TRPC7: variants seen among roughly 807,000 people sequenced by gnomAD.
The protein encoded by TRPC7 is transient receptor potential cation channel subfamily C member 7.
TRPC7 carries 42 observed loss-of-function variants against 90.1 expected under a neutral mutation model. That is an observed-to-expected ratio of 0.47 (90% CI 0.36 to 0.60). TRPC7 has a LOEUF of 0.60. TRPC7 is among the 20% of genes least tolerant of loss of function. The probability of loss-of-function intolerance (pLI) is 0.00; values close to 1 mark genes in which losing one functional copy is unlikely to be tolerated. For missense variants in TRPC7, 955 were observed against 1,112.3 expected (o/e 0.86, Z 2.01); for synonymous variants, 451 against 436.3 (o/e 1.03, Z -0.42).
intron 7 of TRPC7, among the ~76,000 whole-genome samples, chr5:136,241,164 G>A (rs1215154246): frequency 6.6e-6 from 1 of 152,116 alleles, no homozygotes; most frequent in African/African-American, 2.4e-5. Context: ...TAAGTGTCAC[G>A]GAAAATACAA....
At chr5:136,362,130 T>A (rs1033287899) in intron 1 of TRPC7, among the ~76,000 whole-genome samples, 1 of 152,196 alleles carries the variant, frequency 6.6e-6, no homozygotes, top group Non-Finnish European at 1.5e-5. Context: ...ATATTTAACA[T>A]ATATTACACA....
At chr5:136,244,418 G>C (rs929122275) in intron 7 of TRPC7, among the ~76,000 whole-genome samples, 1 of 152,224 alleles carries the variant, frequency 6.6e-6, no homozygotes, top group Non-Finnish European at 1.5e-5. Context: ...GTAGAGGAGG[G>C]AAGAGAGGGA....
At chr5:136,226,541 A>G in intron 8 of TRPC7, 1 of 410,152 alleles carries the variant, frequency 2.4e-6, no homozygotes, top group Non-Finnish European at 4.3e-6. Context: ...AACATTCTCC[A>G]TTTGCAGCTA....
intron 10 of TRPC7, among the ~76,000 whole-genome samples, chr5:136,216,483 C>A (rs79737210): frequency 6.6e-5 from 10 of 152,316 alleles, no homozygotes; most frequent in African/African-American, 2.4e-4. Flanking sequence ...ATGCAATGTG[C>A]AACTGAACCT....
intron 7 of TRPC7, among the ~76,000 whole-genome samples, chr5:136,239,235 C>T (rs1756082205): frequency 3.9e-5 from 6 of 152,240 alleles, no homozygotes. Flanking sequence ...AATCCACCCA[C>T]CTTGGCCTCC....
At chr5:136,302,186 G>A (rs1329168205) in intron 3 of TRPC7, among the ~76,000 whole-genome samples, 1 of 152,158 alleles carries the variant, frequency 6.6e-6, no homozygotes, top group Admixed American at 6.5e-5. Flanking sequence ...GCCTTCCCTT[G>A]GTGTTTAATC....
chr5:136,306,803 C>A (rs1758647978), intron 3 of TRPC7, among the ~76,000 whole-genome samples: 1 of 152,108 alleles, frequency 6.6e-6, no homozygotes, highest in African/African-American at 2.4e-5. Context: ...CTTTGTAATT[C>A]TCCCCACCCT....
intron 2 of TRPC7, among the ~76,000 whole-genome samples, chr5:136,339,045 T>C (rs1401577892): frequency 6.6e-6 from 1 of 152,238 alleles, no homozygotes. Flanking sequence ...TTCTGCTTAA[T>C]AACATTAAGT....
At chr5:136,246,771 A>G (rs1490412209) in intron 7 of TRPC7, among the ~76,000 whole-genome samples, 1 of 151,786 alleles carries the variant, frequency 6.6e-6, no homozygotes, top group Non-Finnish European at 1.5e-5. Context: ...GGCTAAGACA[A>G]TAATAACAGT....
intron 3 of TRPC7, among the ~76,000 whole-genome samples, chr5:136,300,657 C>T (rs913489931): frequency 2.0e-5 from 3 of 152,166 alleles, no homozygotes; most frequent in African/African-American, 7.2e-5. Flanking sequence ...TGACAAACCC[C>T]AAAGGGACAC....
At chr5:136,307,374 A>C (rs1758672567) in intron 3 of TRPC7, among the ~76,000 whole-genome samples, 1 of 152,032 alleles carries the variant, frequency 6.6e-6, no homozygotes, top group South Asian at 2.1e-4. Context: ...TCCATAGATA[A>C]GTGAGATCAT....
chr5:136,343,665 G>A (rs1220442588), intron 2 of TRPC7, among the ~76,000 whole-genome samples: 1 of 152,116 alleles, frequency 6.6e-6, no homozygotes. Context: ...TCCATGTCAT[G>A]TAAAACTTTG....
intron 7 of TRPC7, among the ~76,000 whole-genome samples, chr5:136,240,909 C>A (rs1019953918): frequency 3.3e-5 from 5 of 151,936 alleles, no homozygotes; most frequent in African/African-American, 1.2e-4. Flanking sequence ...TGCTCTTTAC[C>A]AACTCCAAAA....
At chr5:136,220,129 T>C (rs1296005430) in intron 10 of TRPC7, among the ~76,000 whole-genome samples, 1 of 152,248 alleles carries the variant, frequency 6.6e-6, no homozygotes, top group Non-Finnish European at 1.5e-5. Flanking sequence ...ACCACTGTGA[T>C]GATTGCTTTA....
chr5:136,327,907 T>G (rs923534779), intron 2 of TRPC7, among the ~76,000 whole-genome samples: 8 of 152,192 alleles, frequency 5.3e-5, no homozygotes, highest in Non-Finnish European at 1.2e-4. Flanking sequence ...TGGCTGAATT[T>G]TTATTAATTA....
intron 2 of TRPC7, among the ~76,000 whole-genome samples, chr5:136,318,386 T>C (rs1759094017): frequency 6.6e-6 from 1 of 152,120 alleles, no homozygotes; most frequent in Admixed American, 6.5e-5. Flanking sequence ...AACGCCACAA[T>C]GGAAGGCTGA....
intron 3 of TRPC7, among the ~76,000 whole-genome samples, chr5:136,302,252 G>A (rs1185435340): frequency 6.6e-6 from 1 of 152,196 alleles, no homozygotes; most frequent in Non-Finnish European, 1.5e-5. Context: ...GACCACGCAG[G>A]GACGCCTGCC....
At chr5:136,259,397 C>T (rs926409320) in intron 5 of TRPC7, among the ~76,000 whole-genome samples, 2 of 152,192 alleles carry the variant, frequency 1.3e-5, no homozygotes, top group South Asian at 2.1e-4. Context: ...GTGCCAGCCA[C>T]CATTAAGAGA....
At chr5:136,327,236 T>C (rs777676521) in intron 2 of TRPC7, among the ~76,000 whole-genome samples, 2 of 152,100 alleles carry the variant, frequency 1.3e-5, no homozygotes, top group African/African-American at 4.8e-5. Context: ...ACTACAACAA[T>C]GAGAGATAAT....
Sources: allele counts gnomAD v4.1 joint callset (sites outside exome capture counted in the v4.1 genomes callset), GRCh38; gene constraint gnomAD v4.1.1; transcripts MANE v1.5; gene names NCBI Gene and HGNC (gene_info 2026-07-23, HGNC 2026-07-21).